Variants in SUGCT observed in about 807,000 individuals in gnomAD.
SUGCT encodes the protein succinyl-CoA:glutarate CoA-transferase.
SUGCT carries 41 observed loss-of-function variants against 55.0 expected under a neutral mutation model. That is an observed-to-expected ratio of 0.74 (90% CI 0.58 to 0.97). SUGCT has a LOEUF of 0.97. SUGCT is among the 50% of genes least tolerant of loss of function. The probability of loss-of-function intolerance (pLI) is 0.00; values close to 1 mark genes in which losing one functional copy is unlikely to be tolerated. For synonymous variants in SUGCT, 187 were observed against 200.4 expected (o/e 0.93, Z 0.56); for missense variants, 568 against 547.8 (o/e 1.04, Z -0.37).
chr7:40,394,734 A>G (rs372278168), intron 9 of SUGCT, among the ~76,000 whole-genome samples: 3 of 152,134 alleles, frequency 2.0e-5, no homozygotes, highest in Admixed American at 6.5e-5. Context: ...CTGTGCTTCT[A>G]TGAGTTTGAC....
intron 13 of SUGCT, among the ~76,000 whole-genome samples, chr7:40,854,867 T>C (rs1209413758): frequency 2.6e-5 from 4 of 151,902 alleles, no homozygotes; most frequent in Non-Finnish European, 5.9e-5. Context: ...GCCCAGGAGC[T>C]CGAGGCCGCA....
the SUGCT span, among the ~76,000 whole-genome samples, chr7:40,911,799 A>G: frequency 6.6e-6 from 1 of 152,124 alleles, no homozygotes; most frequent in African/African-American, 2.4e-5. Flanking sequence ...GGAACCATGA[A>G]AAGCAGTTTT....
At chr7:40,649,332 T>C (rs1800664258) in intron 12 of SUGCT, among the ~76,000 whole-genome samples, 1 of 152,202 alleles carries the variant, frequency 6.6e-6, no homozygotes. Flanking sequence ...AATAATAGTA[T>C]GTCACATTTA....
intron 9 of SUGCT, among the ~76,000 whole-genome samples, chr7:40,382,006 T>C (rs1394348328): frequency 6.6e-6 from 1 of 150,552 alleles, no homozygotes; most frequent in Non-Finnish European, 1.5e-5. Flanking sequence ...TCAAGGGACG[T>C]GTGTGTGTCT....
In SUGCT at chr7:40,448,985, A is replaced by AAG. The variant is rs150016898; in HGVS notation, c.817-286_817-285dup. On this transcript the variant is annotated intron_variant, in intron 9 of 13. Coordinates refer to ENST00000335693, the MANE Select transcript of SUGCT (RefSeq NM_001193313.2). ...ATAGAGAGAGAGAGAGAGAGAGAGA[A>AAG]AGAGAGAGAGAGAGAGATCTATTCT... Among the ~76,000 whole-genome samples, 18 of 121,554 alleles carry AAG rather than the reference A, an allele frequency of 1.5e-4. No homozygotes were observed. The South Asian group carries it at 1.9e-3, about 13-fold the overall frequency. 79.7% of individuals were successfully genotyped at this position (121,554 alleles called of 152,430 possible). A position where few individuals can be genotyped will look rare whatever the true frequency, so the allele number is the denominator to read the frequency against.
At chr7:40,675,353 C>T (rs957262807) in intron 12 of SUGCT, among the ~76,000 whole-genome samples, 9 of 152,316 alleles carry the variant, frequency 5.9e-5, no homozygotes, top group African/African-American at 2.2e-4. Context: ...GTCACCACGC[C>T]TGACCAATTT....
intron 12 of SUGCT, among the ~76,000 whole-genome samples, chr7:40,580,403 G>A (rs180928744): frequency 5.3e-4 from 81 of 152,298 alleles, no homozygotes; most frequent in African/African-American, 1.9e-3. Context: ...TATTCGTGAA[G>A]GAGGTTTAAG....
At chr7:40,447,167 T>G (rs1788884387) in intron 9 of SUGCT, among the ~76,000 whole-genome samples, 1 of 152,220 alleles carries the variant, frequency 6.6e-6, no homozygotes, top group South Asian at 2.1e-4. Flanking sequence ...TCTTGATGGA[T>G]TTGCCTATTT....
chr7:40,712,890 T>C (rs780416509), intron 12 of SUGCT, among the ~76,000 whole-genome samples: 1 of 152,254 alleles, frequency 6.6e-6, no homozygotes, highest in Non-Finnish European at 1.5e-5. Flanking sequence ...CCCAGAACTT[T>C]TTCAGTGACT....
chr7:40,343,197 C>G (rs886808509), intron 9 of SUGCT, among the ~76,000 whole-genome samples: 6 of 152,150 alleles, frequency 3.9e-5, no homozygotes, highest in Admixed American at 1.3e-4. Flanking sequence ...CCTAATTTAT[C>G]TGTTTATTCC....
the SUGCT span, among the ~76,000 whole-genome samples, chr7:40,956,358 G>C: frequency 6.6e-6 from 1 of 152,088 alleles, no homozygotes; most frequent in Non-Finnish European, 1.5e-5. Flanking sequence ...AGTCTTGGAA[G>C]GGTTTATGTG....
chr7:40,224,923 C>G (rs1322239302), intron 6 of SUGCT, among the ~76,000 whole-genome samples: 1 of 152,164 alleles, frequency 6.6e-6, no homozygotes, highest in Non-Finnish European at 1.5e-5. Flanking sequence ...TCCAGGAAAG[C>G]TGTCTATAGG....
chr7:40,703,895 C>T lies in SUGCT; in HGVS notation c.1090-45539C>T, dbSNP rs546798576. ...CTCCAGTCCATTCGAAGAGAAGGAG[C>T]TCTAAAGCCACTAAAGGTCTGACAA... On this transcript the variant is annotated intron_variant, in intron 12 of 13. Coordinates refer to ENST00000335693, the MANE Select transcript of SUGCT (RefSeq NM_001193313.2). 1.8e-4 allele frequency among the ~76,000 whole-genome samples: 28 copies of T among 152,336 alleles called. No homozygotes were observed. In the South Asian group the frequency reaches 1.9e-3, roughly 10 times the overall value.
the SUGCT span, among the ~76,000 whole-genome samples, chr7:41,020,986 T>G: frequency 5.9e-5 from 9 of 152,216 alleles, no homozygotes; most frequent in African/African-American, 2.2e-4. Flanking sequence ...GGACAGGAGA[T>G]GTGGCCTGTG....
At position 40,590,520 on chromosome 7, in the gene SUGCT, G is replaced by A. The variant is rs144420178; in HGVS notation, c.1089+94134G>A. ...GCAAAATGAAGTAGCAGGTGCTGATGTAGAAGCTGCAGCAAGTTATCCAGA... is the reference window on the plus strand; with the variant it reads ...GCAAAATGAAGTAGCAGGTGCTGATATAGAAGCTGCAGCAAGTTATCCAGA... On this transcript the variant is annotated intron_variant, in intron 12 of 13. Transcript: ENST00000335693. Among the ~76,000 whole-genome samples, 457 of 152,322 alleles carry A rather than the reference G, an allele frequency of 3.0e-3. 6 individuals carry two copies. The highest frequency in any genetic ancestry group is 0.029 in the East Asian group (152 of 5,186).
At chr7:40,959,686 G>T in the SUGCT span, among the ~76,000 whole-genome samples, 1 of 150,254 alleles carries the variant, frequency 6.7e-6, no homozygotes, top group East Asian at 2.0e-4. Flanking sequence ...GCTCTGTCTT[G>T]CTGGTGTTCC....
At chr7:40,897,857 A>T in the SUGCT span, among the ~76,000 whole-genome samples, 16 of 152,084 alleles carry the variant, frequency 1.1e-4, no homozygotes, top group Non-Finnish European at 5.9e-5. Context: ...ACCAATCAGC[A>T]CTCTGTAAAA....
At chr7:40,950,863 A>T in the SUGCT span, among the ~76,000 whole-genome samples, 1 of 152,088 alleles carries the variant, frequency 6.6e-6, no homozygotes, top group East Asian at 1.9e-4. Flanking sequence ...GTTTGCCAGT[A>T]TTTTATTGAG....
At chr7:40,971,075 G>A in the SUGCT span, among the ~76,000 whole-genome samples, 1 of 152,172 alleles carries the variant, frequency 6.6e-6, no homozygotes, top group Non-Finnish European at 1.5e-5. Flanking sequence ...TTGGCTCACG[G>A]CTCTGCAGGC....
Sources: allele counts gnomAD v4.1 joint callset (sites outside exome capture counted in the v4.1 genomes callset), GRCh38; gene constraint gnomAD v4.1.1; transcripts MANE v1.5; gene names NCBI Gene and HGNC (gene_info 2026-07-23, HGNC 2026-07-21).